Variants in RASL12 observed in about 807,000 individuals in gnomAD.
RASL12 encodes the protein RAS like family 12.
RASL12 carries 16 observed loss-of-function variants against 22.9 expected under a neutral mutation model. The observed-to-expected ratio is 0.70, with a 90% confidence interval of 0.47 to 1.06. The LOEUF (loss-of-function observed/expected upper bound fraction) is 1.06, where lower values mean the gene tolerates loss of function less well. Among genes scored for constraint, RASL12 ranks in the 50% least tolerant of loss-of-function variants. The pLI is 0.00. For synonymous variants in RASL12, 159 were observed against 152.2 expected, an observed-to-expected ratio of 1.04 and a Z score of -0.33; for missense variants, 306 against 353.1, an observed-to-expected ratio of 0.87 and a Z score of 1.07.
intron 1 of RASL12, among the ~76,000 whole-genome samples, chr15:65,075,256 T>G (rs2086957767): frequency 6.6e-6 from 1 of 152,202 alleles, no homozygotes; most frequent in African/African-American, 2.4e-5. Context: ...TTAGCTGCCT[T>G]CCCGCAGGGC....
chr15:65,050,055 C>A, downstream of RASL12: 1 of 1,551,724 alleles, frequency 6.4e-7, no homozygotes, highest in South Asian at 1.2e-5. Context: ...CTGTGGTACC[C>A]CAGGAGCTGC....
At chr15:65,068,281 C>T (rs1435693974), upstream of RASL12, 2 of 985,238 alleles carry the variant, frequency 2.0e-6, no homozygotes, top group South Asian at 4.7e-5. The surrounding 1 kb of genome is among the most constrained non-coding windows in gnomAD (Gnocchi z 4.2). Context: ...GAACCTCCCA[C>T]TCAATCTCTT....
At chr15:65,065,166 G>A (rs1472425417) in intron 2 of RASL12, 51 bp downstream of exon 2, 1 of 1,574,908 alleles carries the variant, frequency 6.3e-7, no homozygotes, top group Non-Finnish European at 8.7e-7. Context: ...TCCCAGGAGA[G>A]CACTCCAGAT....
chr15:65,057,732 C>T (rs1465044591), intron 4 of RASL12, among the ~76,000 whole-genome samples: 1 of 152,078 alleles, frequency 6.6e-6, no homozygotes, highest in Non-Finnish European at 1.5e-5. Flanking sequence ...GACCAAGGAG[C>T]CCATCAGAGC....
chr15:65,059,272 G>T, intron 3 of RASL12, 73 bp downstream of exon 3: 1 of 1,331,160 alleles, frequency 7.5e-7, no homozygotes, highest in Non-Finnish European at 1.1e-6. Context: ...CTGAGGTCCC[G>T]CACTCTGGGC....
At chr15:65,071,195 G>A (rs977512993), upstream of RASL12, among the ~76,000 whole-genome samples, 5 of 152,168 alleles carry the variant, frequency 3.3e-5, no homozygotes, top group Non-Finnish European at 5.9e-5. Flanking sequence ...TATGCCCATC[G>A]TTGTGAATAC....
downstream of RASL12, among the ~76,000 whole-genome samples, chr15:65,050,952 C>A (rs936005844): frequency 3.5e-5 from 5 of 144,034 alleles, no homozygotes; most frequent in Non-Finnish European, 7.5e-5. Flanking sequence ...TCAAGTGATT[C>A]TCATGCCTCA....
Position 65,074,475 on chromosome 15 carries a change from C to G in RASL12, c.70+2054G>C, listed in dbSNP as rs377539955. ...ATGGCACGAGCTCGGCTCACTGCAACTTCAGCCTCCCGAGTTCAAGCTGTT... is the reference window on the plus strand; with the variant it reads ...ATGGCACGAGCTCGGCTCACTGCAAGTTCAGCCTCCCGAGTTCAAGCTGTT... On this transcript the variant is annotated intron_variant, in intron 1 of 4. Transcript: ENST00000434605. 1.3e-4 allele frequency among the ~76,000 whole-genome samples: 20 copies of G among 152,098 alleles called. 1 individual carries two copies. Among genetic ancestry groups the G allele is most frequent in the African/African-American group, 4.8e-4 (20 of 41,512 alleles).
At chr15:65,055,311 C>T in intron 4 of RASL12, 37 bp from the exon 5 acceptor site, 2 of 1,487,914 alleles carry the variant, frequency 1.3e-6, no homozygotes, top group Non-Finnish European at 1.8e-6. Context: ...GAGTTAGGAG[C>T]AGGCTGTGCC....
downstream of RASL12, chr15:65,049,926 C>G: frequency 8.7e-7 from 1 of 1,143,814 alleles, no homozygotes; most frequent in Non-Finnish European, 1.2e-6. Flanking sequence ...GCCCAGGGGC[C>G]AGAACCGAGG....
chr15:65,063,982 T>C lies in RASL12; in HGVS notation c.160+1235A>G, dbSNP rs561169751. ...TCAGGGGTCCCATGAATGCTTTAAT[T>C]GATTTTTATGAATGGGGAAAATAAT... is the stretch of plus-strand genomic sequence containing the variant. On this transcript the variant is annotated intron_variant, in intron 2 of 4. Coordinates refer to ENST00000220062, the MANE Select transcript of RASL12 (RefSeq NM_016563.4). 5.9e-5 allele frequency among the ~76,000 whole-genome samples: 9 copies of C among 152,322 alleles called. No individual in the cohort carries two copies. In the East Asian group the frequency reaches 1.7e-3, roughly 29 times the overall value.
At chr15:65,062,849 T>C (rs2086827471) in intron 2 of RASL12, among the ~76,000 whole-genome samples, 1 of 152,216 alleles carries the variant, frequency 6.6e-6, no homozygotes, top group Admixed American at 6.5e-5. Flanking sequence ...AATGGGACAG[T>C]GGCCGGAATG....
At chr15:65,062,076 A>G (rs113611559) in intron 2 of RASL12, among the ~76,000 whole-genome samples, 134 of 151,944 alleles carry the variant, frequency 8.8e-4, no homozygotes, top group Non-Finnish European at 1.8e-3. Flanking sequence ...AAAAAAAAAA[A>G]AAAAGAAATG....
chr15:65,071,370 G>A (rs1370040603), upstream of RASL12, among the ~76,000 whole-genome samples: 3 of 152,252 alleles, frequency 2.0e-5, no homozygotes, highest in African/African-American at 7.2e-5. Context: ...TCTGTGGGCT[G>A]CCCACAGCCA....
chr15:65,064,162 C>G (rs1266583655), intron 2 of RASL12, among the ~76,000 whole-genome samples: 1 of 152,200 alleles, frequency 6.6e-6, no homozygotes, highest in Non-Finnish European at 1.5e-5. Context: ...AGAAGGGAAT[C>G]TAAGCTATTG....
chr15:65,073,554 T>C (rs1437241904), intron 1 of RASL12, among the ~76,000 whole-genome samples: 2 of 152,206 alleles, frequency 1.3e-5, no homozygotes, highest in Non-Finnish European at 2.9e-5. Context: ...GCTGTAAATA[T>C]AGATGAAGCT....
At chr15:65,073,556 G>A (rs2086945972) in intron 1 of RASL12, among the ~76,000 whole-genome samples, 1 of 152,202 alleles carries the variant, frequency 6.6e-6, no homozygotes, top group African/African-American at 2.4e-5. Flanking sequence ...TGTAAATATA[G>A]ATGAAGCTTT....
At position 65,059,429 on chromosome 15, in the gene RASL12, G is replaced by C; in HGVS notation, c.161-11C>G. ...AGCTGTAGGTGTCCTCTACAACACA[G>C]ATGGTTAGCCAGGTCAGACACAGTG... On this transcript the variant is annotated splice_polypyrimidine_tract_variant and intron_variant, in intron 2 of 4. Coordinates refer to ENST00000220062, the MANE Select transcript of RASL12 (RefSeq NM_016563.4). 6.2e-7 allele frequency: 1 copy of C among 1,611,604 alleles called. No individual in the cohort carries two copies. Among genetic ancestry groups the C allele is most frequent in the South Asian group, 1.1e-5 (1 of 91,000 alleles).
At position 65,054,917 on chromosome 15, in the gene RASL12, C is replaced by T; in HGVS notation, c.783G>A (p.Lys261=). The T allele has an allele frequency of 6.2e-7, 1 of 1,613,656 alleles. No individual in the cohort carries two copies. The stretch of plus-strand genomic sequence containing the variant: ...GGGGGCCTCAGAAGATCTTGAAGCC[C>T]TTCAGGAGAGTCAGGGTAGGCGCCT... ...KRKAPTLTLL[K]GFKIF is the part of the protein sequence containing the mutation. The change falls in exon 5 of 5, where the codon AAG becomes AAA. Residue 261 remains lysine, a synonymous_variant. Transcript: ENST00000220062.
Sources: gnomAD v4.1 joint callset for allele counts (sites outside exome capture counted in the v4.1 genomes callset) on GRCh38, gnomAD v4.1.1 for gene constraint, Gnocchi (gnomAD v3.1) non-coding constraint, MANE v1.5 for transcripts, NCBI Gene and HGNC (gene_info 2026-07-23, HGNC 2026-07-21) for gene names.